The following CDK17 variants were observed in gnomAD, a reference collection of about 807,000 sequenced individuals.
CDK17 encodes cyclin-dependent kinase 17.
CDK17 carries 24 observed loss-of-function variants against 77.6 expected under a neutral mutation model. The ratio of observed to expected loss-of-function variants is 0.31; its 90% CI spans 0.22 to 0.44. The LOEUF is 0.44. Ranked by LOEUF, CDK17 falls within the 20% of genes least tolerant of loss-of-function variation. The pLI, the probability that CDK17 is intolerant of heterozygous loss-of-function variation, is 1.00. For synonymous variants in CDK17, 203 were observed against 210.4 expected, an observed-to-expected ratio of 0.96 and a Z score of 0.30; for missense variants, 429 against 622.5, an observed-to-expected ratio of 0.69 and a Z score of 3.31.
At chr12:96,372,112 T>C (rs768280147) in intron 1 of CDK17, among the ~76,000 whole-genome samples, 1 of 152,106 alleles carries the variant, frequency 6.6e-6, no homozygotes, top group Non-Finnish European at 1.5e-5. Flanking sequence ...TTTATGACAA[T>C]AATAGTTATA....
chr12:96,394,542 C>T (rs12581689), intron 1 of CDK17, among the ~76,000 whole-genome samples: 6,650 of 151,986 alleles, frequency 0.044, 176 homozygotes, highest in East Asian at 0.12. Context: ...AGCACGGGTA[C>T]GGTGTCTCAT....
intron 1 of CDK17, among the ~76,000 whole-genome samples, chr12:96,377,346 T>C (rs1953794885): frequency 6.6e-6 from 1 of 152,080 alleles, no homozygotes; most frequent in Admixed American, 6.5e-5. Context: ...ATCTAAAATA[T>C]ACATATTTGC....
chr12:96,299,655 C>G (rs1406399547), intron 6 of CDK17, among the ~76,000 whole-genome samples: 1 of 152,236 alleles, frequency 6.6e-6, no homozygotes, highest in Admixed American at 6.5e-5. Context: ...TCCCAAAATG[C>G]TGGGATTACA....
At position 96,367,213 on chromosome 12, in the gene CDK17, C is replaced by T. The variant is rs556859074; in HGVS notation, c.-29-32348G>A. Among the ~76,000 whole-genome samples, 16 of 151,642 alleles carry T rather than the reference C, an allele frequency of 1.1e-4. No individual in the cohort carries two copies. In the South Asian group the frequency reaches 2.3e-3, roughly 22 times the overall value. Reference sequence around the variant, plus strand: ...CAAAAAAATTAGCTGGGTGTGGTGGCGCGTGCCTGTAGTCCCAGCTACTCG... The same window carrying T: ...CAAAAAAATTAGCTGGGTGTGGTGGTGCGTGCCTGTAGTCCCAGCTACTCG... On this transcript the variant is annotated intron_variant, in intron 1 of 16. Transcript: ENST00000261211.
At chr12:96,331,603 A>C (rs932585269) in intron 2 of CDK17, among the ~76,000 whole-genome samples, 2 of 152,216 alleles carry the variant, frequency 1.3e-5, no homozygotes, top group African/African-American at 4.8e-5. Flanking sequence ...CTGAGTTAAA[A>C]ACCTTCATAT....
At chr12:96,320,132 T>C (rs1592726251) in intron 3 of CDK17, among the ~76,000 whole-genome samples, 1 of 152,076 alleles carries the variant, frequency 6.6e-6, no homozygotes, top group South Asian at 2.1e-4. Flanking sequence ...AAAAATCTTA[T>C]ACATTGTACA....
rs183723304 is a variant in CDK17, at chr12:96,396,892, T to C, written c.-30+3094A>G. 6.6e-5 allele frequency among the ~76,000 whole-genome samples: 10 copies of C among 152,280 alleles called. No individual in the cohort carries two copies. The East Asian group carries it at 1.9e-3, about 29-fold the overall frequency. On this transcript the variant is annotated intron_variant, in intron 1 of 16. Coordinates refer to ENST00000261211, the MANE Select transcript of CDK17 (RefSeq NM_002595.5). Reference sequence around the variant, plus strand: ...AGGAAACATCAATAAAGATTCAAAATGTAATGTCTTATAAATATTCAGCAT... The same window carrying C: ...AGGAAACATCAATAAAGATTCAAAACGTAATGTCTTATAAATATTCAGCAT...
intron 1 of CDK17, among the ~76,000 whole-genome samples, chr12:96,398,545 G>A (rs1412356039): frequency 1.3e-5 from 2 of 152,174 alleles, no homozygotes; most frequent in African/African-American, 2.4e-5. Context: ...CTGCCCAAGA[G>A]TTAAGAAAGT....
intron 1 of CDK17, among the ~76,000 whole-genome samples, chr12:96,366,137 T>C (rs546722248): frequency 2.4e-4 from 36 of 152,308 alleles, no homozygotes; most frequent in South Asian, 1.7e-3. Context: ...CTCTAGCAAA[T>C]ACCTTCCATT....
chr12:96,294,357 C>T (rs1254371622), intron 10 of CDK17, among the ~76,000 whole-genome samples: 3 of 151,506 alleles, frequency 2.0e-5, no homozygotes, highest in Non-Finnish European at 2.9e-5. Context: ...TTTGGGAGGC[C>T]GAGGCGAGTG....
chr12:96,346,266 C>T (rs1953209439), intron 1 of CDK17, among the ~76,000 whole-genome samples: 1 of 152,200 alleles, frequency 6.6e-6, no homozygotes, highest in African/African-American at 2.4e-5. Context: ...GCCTGGCCAA[C>T]ATGGTGAAAC....
Position 96,294,808 on chromosome 12 carries a change from A to G in CDK17, c.997+191T>C, listed in dbSNP as rs529188103. On this transcript the variant is annotated intron_variant, in intron 10 of 16. Transcript: ENST00000261211. The stretch of plus-strand genomic sequence containing the variant: ...GTCCACACCCAAGAACAGCCTGTGC[A>G]TTTTAGAATTTGCTGCTAATAACCA... Among the ~76,000 whole-genome samples, 4 of 152,266 alleles carry G rather than the reference A, an allele frequency of 2.6e-5. No individual in the cohort carries two copies. The South Asian group carries it at 6.2e-4, about 24-fold the overall frequency.
chr12:96,344,187 G>T (rs533112857), intron 1 of CDK17, among the ~76,000 whole-genome samples: 3 of 152,234 alleles, frequency 2.0e-5, no homozygotes, highest in African/African-American at 7.2e-5. Flanking sequence ...AAAATGAATA[G>T]AGCCTGATGA....
intron 5 of CDK17, among the ~76,000 whole-genome samples, chr12:96,304,840 G>A (rs1952556446): frequency 6.8e-6 from 1 of 148,048 alleles, no homozygotes; most frequent in Non-Finnish European, 1.5e-5. Flanking sequence ...TAATTGCTGA[G>A]AGATGTAAGG....
At chr12:96,390,343 G>A (rs1356599949) in intron 1 of CDK17, among the ~76,000 whole-genome samples, 1 of 150,164 alleles carries the variant, frequency 6.7e-6, no homozygotes, top group African/African-American at 2.4e-5. Context: ...GTTGACCAGG[G>A]TGGTCTCGAA....
chr12:96,399,523 CCG>C (rs1246727440), intron 1 of CDK17: 1 of 152,212 alleles, frequency 6.6e-6, no homozygotes, highest in Non-Finnish European at 1.5e-5. Flanking sequence ...CGCCCACCTC[CCG>C]CGGACCCGCG....
In CDK17 at chr12:96,279,082, TTAAAAGTGAACAAAAA is replaced by T. The variant is rs1434531967; in HGVS notation, c.*1144_*1159del. 7 of 152,586 alleles carry T rather than the reference TTAAAAGTGAACAAAAA, an allele frequency of 4.6e-5. No individual in the cohort carries two copies. Among genetic ancestry groups the T allele is most frequent in the Admixed American group, 4.6e-4 (7 of 15,280 alleles). 9.5% of individuals were successfully genotyped at this position (152,586 alleles called of 1,614,324 possible). A position where few individuals can be genotyped will look rare whatever the true frequency, so the allele number is the denominator to read the frequency against. ...GTAAGATGCACTAAACAAATAGTCC[TTAAAAGTGAACAAAAA>T]TGCTTAAAATACTGTTACCAACACC... On this transcript the variant is annotated 3_prime_UTR_variant, in exon 17 of 17. Coordinates refer to ENST00000261211, the MANE Select transcript of CDK17 (RefSeq NM_002595.5).
chr12:96,279,246 A>T lies in CDK17; in HGVS notation c.*996T>A, dbSNP rs1242662808. The stretch of plus-strand genomic sequence containing the variant: ...GTAAGTTCTCATTTCTCTTGTTTGT[A>T]ATTTATCATGGCTCATTTCAAAGAC... On this transcript the variant is annotated 3_prime_UTR_variant, in exon 17 of 17. Transcript: ENST00000261211. 6.6e-6 allele frequency: 1 copy of T among 152,214 alleles called. No homozygotes were observed. The highest frequency in any genetic ancestry group is 1.5e-5 in the Non-Finnish European group (1 of 68,016). 9.4% of individuals were successfully genotyped at this position (152,214 alleles called of 1,614,324 possible).
chr12:96,367,013 C>T (rs187084188), intron 1 of CDK17, among the ~76,000 whole-genome samples: 21 of 152,144 alleles, frequency 1.4e-4, no homozygotes, highest in Admixed American at 5.2e-4. Flanking sequence ...AAGTCAAGCA[C>T]GGAGACTTCT....
Sources: allele counts gnomAD v4.1 joint callset (sites outside exome capture counted in the v4.1 genomes callset), GRCh38; gene constraint gnomAD v4.1.1; transcripts MANE v1.5; gene names NCBI Gene and HGNC (gene_info 2026-07-23, HGNC 2026-07-21).